Variants in SLC35F4 observed in about 807,000 individuals in gnomAD.
The protein encoded by SLC35F4 is chromosome 14 open reading frame 36.
SLC35F4 carries 24 observed loss-of-function variants against 44.2 expected under a neutral mutation model. The ratio of observed to expected loss-of-function variants is 0.54; its 90% CI spans 0.39 to 0.76. The LOEUF is 0.76. SLC35F4 is among the 30% of genes least tolerant of loss of function. The probability of loss-of-function intolerance (pLI) is 0.00; values close to 1 mark genes in which losing one functional copy is unlikely to be tolerated. For missense variants in SLC35F4, 562 were observed against 586.1 expected, an observed-to-expected ratio of 0.96 and a Z score of 0.42; for synonymous variants, 238 against 223.6, an observed-to-expected ratio of 1.06 and a Z score of -0.57.
intron 1 of SLC35F4, among the ~76,000 whole-genome samples, chr14:57,634,630 G>T (rs1045626762): frequency 1.3e-5 from 2 of 152,094 alleles, no homozygotes; most frequent in Non-Finnish European, 2.9e-5. Context: ...GCAGGCAGGG[G>T]CCAGATACTG....
intron 1 of SLC35F4, among the ~76,000 whole-genome samples, chr14:57,875,229 G>T (rs138905084): frequency 2.6e-5 from 4 of 152,296 alleles, no homozygotes; most frequent in African/African-American, 7.2e-5. Flanking sequence ...TTCAGGTAAA[G>T]AAATCATCAG....
At chr14:57,642,470 T>C (rs930889540) in intron 1 of SLC35F4, among the ~76,000 whole-genome samples, 20 of 152,012 alleles carry the variant, frequency 1.3e-4, no homozygotes, top group African/African-American at 4.6e-4. Flanking sequence ...TCTTTTTTTT[T>C]CCAATTTACT....
At chr14:57,753,980 T>C (rs2076941309) in intron 1 of SLC35F4, among the ~76,000 whole-genome samples, 2 of 152,040 alleles carry the variant, frequency 1.3e-5, no homozygotes, top group Admixed American at 6.5e-5. Context: ...ATTGAGAATG[T>C]GTGTGACAAA....
rs1243442817 is a variant in SLC35F4, at chr14:57,643,725, T to G, written c.104-49601A>C. Among the ~76,000 whole-genome samples, 3 of 152,298 alleles carry G rather than the reference T, an allele frequency of 2.0e-5. No individual in the cohort carries two copies. The East Asian group carries it at 5.8e-4, about 29-fold the overall frequency. On this transcript the variant is annotated intron_variant, in intron 1 of 7. Coordinates refer to ENST00000556826, the MANE Select transcript of SLC35F4 (RefSeq NM_001306087.2). ...CTGGTGTGCTGCACCCATTAACTCC[T>G]CATTTAGCATTAGGTATATCTCCTA...
At chr14:57,849,070 G>A (rs187699709) in intron 1 of SLC35F4, among the ~76,000 whole-genome samples, 4 of 152,298 alleles carry the variant, frequency 2.6e-5, no homozygotes, top group Admixed American at 2.6e-4. Context: ...ACCCTTCATA[G>A]TTCTTGACCA....
intron 6 of SLC35F4, 62 bp from the exon 7 acceptor site, chr14:57,566,626 T>A: frequency 6.9e-7 from 1 of 1,459,290 alleles, no homozygotes; most frequent in Non-Finnish European, 9.4e-7. Context: ...TTTTTTCTCC[T>A]TATAGTAAAT....
intron 1 of SLC35F4, among the ~76,000 whole-genome samples, chr14:57,699,984 G>A (rs2075491225): frequency 6.6e-6 from 1 of 152,224 alleles, no homozygotes; most frequent in Admixed American, 6.6e-5. Flanking sequence ...ATACATTCCA[G>A]GATCACCAGT....
At chr14:57,684,086 A>C (rs981645822) in intron 1 of SLC35F4, among the ~76,000 whole-genome samples, 1 of 152,058 alleles carries the variant, frequency 6.6e-6, no homozygotes. Context: ...GCCTCTCTAT[A>C]ACTCATCCCC....
At chr14:57,733,464 T>A (rs1213745280) in intron 1 of SLC35F4, among the ~76,000 whole-genome samples, 2 of 148,194 alleles carry the variant, frequency 1.3e-5, no homozygotes, top group East Asian at 2.0e-4. Flanking sequence ...AATCAACCAA[T>A]AAATTTAGAT....
chr14:57,801,314 TGCTTAC>T lies in SLC35F4; in HGVS notation c.103+64403_103+64408del, dbSNP rs1335707050. Among the ~76,000 whole-genome samples the T allele has an allele frequency of 4.6e-5, 7 of 152,282 alleles. No individual in the cohort carries two copies. In the South Asian group the frequency reaches 1.5e-3, roughly 32 times the overall value. ...ATAAGATCCTTTTCAGACAAGCAAATGCTTACGGAATTTATCACCACCAGGCCTGCC... is the reference window on the plus strand; with the variant it reads ...ATAAGATCCTTTTCAGACAAGCAAATGGAATTTATCACCACCAGGCCTGCC... On this transcript the variant is annotated intron_variant, in intron 1 of 7. Coordinates refer to ENST00000556826, the MANE Select transcript of SLC35F4 (RefSeq NM_001306087.2).
At chr14:57,830,004 G>A (rs1884183514) in intron 1 of SLC35F4, among the ~76,000 whole-genome samples, 1 of 151,996 alleles carries the variant, frequency 6.6e-6, no homozygotes, top group East Asian at 1.9e-4. Flanking sequence ...GAGTGTATAA[G>A]CAAGAATAAA....
chr14:57,773,020 G>T (rs1566840074), intron 1 of SLC35F4, among the ~76,000 whole-genome samples: 1 of 151,716 alleles, frequency 6.6e-6, no homozygotes, highest in Non-Finnish European at 1.5e-5. Flanking sequence ...AACATCTGTT[G>T]TTTTTTTTGA....
chr14:57,606,314 A>C (rs2071162515), intron 1 of SLC35F4, among the ~76,000 whole-genome samples: 1 of 145,804 alleles, frequency 6.9e-6, no homozygotes, highest in African/African-American at 2.5e-5. Context: ...GCTTTCTATA[A>C]TACTTATATA....
intron 1 of SLC35F4, among the ~76,000 whole-genome samples, chr14:57,929,466 T>C (rs942206177): frequency 2.6e-5 from 4 of 152,008 alleles, no homozygotes; most frequent in Admixed American, 2.6e-4. Context: ...CAGGGTTAAG[T>C]TCACCAAGAA....
At chr14:57,890,957 G>C (rs1276798341) in intron 1 of SLC35F4, among the ~76,000 whole-genome samples, 1 of 152,154 alleles carries the variant, frequency 6.6e-6, no homozygotes, top group Non-Finnish European at 1.5e-5. Context: ...GATGCAGGAG[G>C]AAGGAATATC....
intron 1 of SLC35F4, among the ~76,000 whole-genome samples, chr14:57,665,692 C>A (rs2074284290): frequency 1.3e-5 from 2 of 152,162 alleles, no homozygotes; most frequent in Admixed American, 1.3e-4. Flanking sequence ...ATGTTCATTG[C>A]AGCACATTCA....
rs540993049 is a variant in SLC35F4 at position 57,664,259 on chromosome 14, G to C, written c.104-70135C>G. On this transcript the variant is annotated intron_variant, in intron 1 of 7. Coordinates refer to ENST00000556826, the MANE Select transcript of SLC35F4 (RefSeq NM_001306087.2). ...ACTTCAAAATTGCTCAAGAATGACT[G>C]TGCCCAAACTATTATCTTCTCTTTT... Among the ~76,000 whole-genome samples the C allele has an allele frequency of 1.2e-4, 19 of 152,190 alleles. 1 individual carries two copies. The South Asian group carries it at 3.7e-3, about 30-fold the overall frequency.
rs373623937 is a variant in SLC35F4 at position 57,805,598 on chromosome 14, A to G, written c.103+60125T>C. On this transcript the variant is annotated intron_variant, in intron 1 of 7. Coordinates refer to ENST00000556826, the MANE Select transcript of SLC35F4 (RefSeq NM_001306087.2). ...AACACATGAACACATGGCTGGGGGAACAACACACACTAGGGCCTGTTGGAG... is the reference window on the plus strand; with the variant it reads ...AACACATGAACACATGGCTGGGGGAGCAACACACACTAGGGCCTGTTGGAG... Among the ~76,000 whole-genome samples the G allele has an allele frequency of 5.3e-5, 8 of 152,234 alleles. No individual in the cohort carries two copies. In the East Asian group the frequency reaches 1.2e-3, roughly 22 times the overall value.
intron 1 of SLC35F4, among the ~76,000 whole-genome samples, chr14:57,600,736 T>G (rs2070780403): frequency 6.9e-6 from 1 of 144,226 alleles, no homozygotes; most frequent in South Asian, 2.3e-4. Flanking sequence ...AGATAAAATA[T>G]CAATAACTCA....
Sources: allele counts gnomAD v4.1 joint callset (sites outside exome capture counted in the v4.1 genomes callset), GRCh38; gene constraint gnomAD v4.1.1; transcripts MANE v1.5; gene names NCBI Gene and HGNC (gene_info 2026-07-23, HGNC 2026-07-21).